The following RIF1 variants were observed in gnomAD, a reference collection of about 807,000 sequenced individuals.
RIF1 encodes replication timing regulatory factor 1, also known as telomere-associated protein RIF1.
A neutral mutation model predicts 247.1 loss-of-function variants in RIF1; 45 were observed. That is an observed-to-expected ratio of 0.18 (90% CI 0.14 to 0.23). The LOEUF (loss-of-function observed/expected upper bound fraction) is 0.23, where lower values mean the gene tolerates loss of function less well. RIF1 is among the 10% of genes least tolerant of loss of function. RIF1 has a pLI of 1.00. For missense variants in RIF1, 2,967 were observed against 2,862.5 expected (o/e 1.04, Z -0.83); for synonymous variants, 1,087 against 978.8 (o/e 1.11, Z -2.06).
the RIF1 span, chr2:151,519,135 A>G: frequency 2.0e-6 from 2 of 1,002,218 alleles, no homozygotes; most frequent in Non-Finnish European, 3.2e-6. Context: ...AATGGAAATC[A>G]AAGTGAGATA....
intron 10 of RIF1, chr2:151,499,338 T>G (rs1293462099): frequency 6.5e-7 from 1 of 1,545,830 alleles, no homozygotes; most frequent in Non-Finnish European, 8.7e-7. Flanking sequence ...TCTCTCCATC[T>G]CTGGAGTGAT....
At position 151,446,355 on chromosome 2, in the gene RIF1, T is replaced by C. The variant is rs954518675; in HGVS notation, c.2095-71T>C. 47 of 1,341,478 alleles carry C rather than the reference T, an allele frequency of 3.5e-5. No homozygotes were observed. The African/African-American group carries it at 5.8e-4, about 17-fold the overall frequency. The allele number at this position is 1,341,478 out of a possible 1,614,324, so 83.1% of individuals were successfully genotyped here. On this transcript the variant is annotated intron_variant, in intron 19 of 35. Coordinates refer to ENST00000444746, the MANE Select transcript of RIF1 (RefSeq NM_018151.5). The stretch of plus-strand genomic sequence containing the variant: ...CAGTGTTTTTAAAAAATGTTAAAGA[T>C]GTATTGATTCTATAAACTTTGATAG...
chr2:151,435,938 C>T (rs977524181), intron 11 of RIF1, among the ~76,000 whole-genome samples: 1 of 151,920 alleles, frequency 6.6e-6, no homozygotes, highest in African/African-American at 2.4e-5. Context: ...AAAAACAACA[C>T]ATCGGCCAGG....
rs1553552384 is a variant in RIF1, at chr2:151,497,713, T to TAA, written c.*514-1631_*514-1630dup. 3.8e-6 allele frequency: 6 copies of TAA among 1,575,882 alleles called. No individual in the cohort carries two copies. The highest frequency in any genetic ancestry group is 1.3e-5 in the African/African-American group (1 of 74,390). Reference sequence around the variant, plus strand: ...TTCCCTTGCCCATGTTTTCTTTGTATAACACCTGTGCGATAAGAAAGCATC... The same window carrying TAA: ...TTCCCTTGCCCATGTTTTCTTTGTATAAAACACCTGTGCGATAAGAAAGCATC... On this transcript the variant is annotated intron_variant and NMD_transcript_variant, in intron 10 of 13. Transcript: ENST00000454583.
intron 20 of RIF1, among the ~76,000 whole-genome samples, chr2:151,448,621 A>G (rs1193357009): frequency 2.0e-5 from 3 of 152,126 alleles, no homozygotes; most frequent in Non-Finnish European, 2.9e-5. Flanking sequence ...ACTACCCATG[A>G]GGTTTCTGCT....
chr2:151,528,336 A>G, the RIF1 span, among the ~76,000 whole-genome samples: 2 of 152,256 alleles, frequency 1.3e-5, no homozygotes, highest in African/African-American at 4.8e-5. Context: ...TAATTTATAC[A>G]CAATACAATG....
At chr2:151,486,333 A>C (rs2050340081), downstream of RIF1, 1 of 167,912 alleles carries the variant, frequency 6.0e-6, no homozygotes, top group Non-Finnish European at 1.3e-5. Context: ...TGGTGATGAT[A>C]AAAAAGACAG....
At chr2:151,524,718 G>A in the RIF1 span, 4 of 904,062 alleles carry the variant, frequency 4.4e-6, no homozygotes, top group Non-Finnish European at 6.5e-6. Flanking sequence ...CCAGGCTTGA[G>A]TGCAGTGGTA....
chr2:151,412,373 T>TG (rs980074529), intron 3 of RIF1, among the ~76,000 whole-genome samples: 10 of 152,134 alleles, frequency 6.6e-5, no homozygotes, highest in African/African-American at 2.2e-4. Flanking sequence ...AAAATTGAGG[T>TG]GGGGGTCTTG....
At chr2:151,443,981 G>A (rs1343492631) in intron 18 of RIF1, among the ~76,000 whole-genome samples, 1 of 152,072 alleles carries the variant, frequency 6.6e-6, no homozygotes, top group African/African-American at 2.4e-5. Flanking sequence ...TTGTATCTTG[G>A]ATTCTTTCAG....
At chr2:151,450,904 T>C (rs960578242) in intron 20 of RIF1, among the ~76,000 whole-genome samples, 2 of 152,228 alleles carry the variant, frequency 1.3e-5, no homozygotes, top group South Asian at 2.1e-4. Context: ...TTTTATGTTT[T>C]GTTTCCACTG....
the RIF1 span, among the ~76,000 whole-genome samples, chr2:151,523,383 A>C: frequency 6.6e-6 from 1 of 152,258 alleles, no homozygotes; most frequent in African/African-American, 2.4e-5. Flanking sequence ...TATCTTCCAA[A>C]AGATTGGAAT....
Position 151,416,444 on chromosome 2 carries a change from C to T in RIF1, c.281-117C>T, listed in dbSNP as rs566403919. The T allele has an allele frequency of 2.7e-4, 262 of 981,342 alleles. 1 individual carries two copies. The highest frequency in any genetic ancestry group is 3.9e-5 in the Non-Finnish European group (26 of 674,100). 60.8% of individuals were successfully genotyped at this position (981,342 alleles called of 1,614,324 possible). A position where few individuals can be genotyped will look rare whatever the true frequency, so the allele number is the denominator to read the frequency against. On this transcript the variant is annotated intron_variant, in intron 4 of 35. Coordinates refer to ENST00000444746, the MANE Select transcript of RIF1 (RefSeq NM_018151.5). ...ATCAGCATTGGTTCTCTGATCTGTTCTCTGGATATACATTTAATTTTATGA... is the reference window on the plus strand; with the variant it reads ...ATCAGCATTGGTTCTCTGATCTGTTTTCTGGATATACATTTAATTTTATGA...
chr2:151,443,334 G>C lies in RIF1; in HGVS notation c.1805+5G>C. The C allele has an allele frequency of 1.3e-6, 2 of 1,554,574 alleles. No homozygotes were observed. Among genetic ancestry groups the C allele is most frequent in the Non-Finnish European group, 1.8e-6 (2 of 1,129,982 alleles). ...ATGTGGTGTATCAGATGAAAGGTAA[G>C]TTTGTACTTTAACTTGAAACTTTGT... is the stretch of plus-strand genomic sequence containing the variant. On this transcript the variant is annotated splice_donor_5th_base_variant and intron_variant, in intron 17 of 35. Transcript: ENST00000444746.
Position 151,446,498 on chromosome 2 carries a change from G to T in RIF1, c.2167G>T (p.Ala723Ser), listed in dbSNP as rs769319293. ...RAFARCAALV[A>S]TAEENLCCEE... is the part of the protein sequence containing the mutation. ...ATTTGCTCGTTGTGCTGCTTTGGTGGCAACAGCAGAAGAGAACTTGTGCTG... is the reference window on the plus strand; with the variant it reads ...ATTTGCTCGTTGTGCTGCTTTGGTGTCAACAGCAGAAGAGAACTTGTGCTG... The change falls in exon 20 of 36, where the codon GCA (alanine) becomes TCA (serine). Residue 723 changes from alanine to serine, a missense_variant. Transcript: ENST00000444746. The T allele has an allele frequency of 1.2e-6, 2 of 1,613,388 alleles. No homozygotes were observed. The highest frequency in any genetic ancestry group is 1.7e-6 in the Non-Finnish European group (2 of 1,179,688).
chr2:151,503,754 G>A (rs1214779886), intron 12 of RIF1, among the ~76,000 whole-genome samples: 1 of 152,150 alleles, frequency 6.6e-6, no homozygotes, highest in Non-Finnish European at 1.5e-5. Flanking sequence ...TAGCTTTGGT[G>A]CCTCAAATAT....
At chr2:151,461,112 AT>A in intron 26 of RIF1, 25 bp from the exon 27 acceptor site, 1 of 1,595,782 alleles carries the variant, frequency 6.3e-7, no homozygotes, top group Non-Finnish European at 8.5e-7. Flanking sequence ...TAAAATGTAC[AT>A]TTGCTTATTT....
At position 151,475,107 on chromosome 2, in the gene RIF1, C is replaced by T. The variant is rs1411207538; in HGVS notation, c.*36C>T. 2.9e-6 allele frequency: 4 copies of T among 1,381,364 alleles called. No homozygotes were observed. The highest frequency in any genetic ancestry group is 3.1e-6 in the Non-Finnish European group (3 of 972,644). 85.6% of individuals were successfully genotyped at this position (1,381,364 alleles called of 1,614,324 possible). ...GAAAATTGAAGGTTTTTTTAAACAT[C>T]ACTGGATTTCTTGATTGAGGAAACA... On this transcript the variant is annotated 3_prime_UTR_variant, in exon 36 of 36. Coordinates refer to ENST00000444746, the MANE Select transcript of RIF1 (RefSeq NM_018151.5).
intron 13 of RIF1, chr2:151,506,967 A>C: frequency 6.2e-7 from 1 of 1,611,476 alleles, no homozygotes. Context: ...GTCTTGAACA[A>C]CTGTAATTTT....
Sources: allele counts gnomAD v4.1 joint callset (sites outside exome capture counted in the v4.1 genomes callset), GRCh38; gene constraint gnomAD v4.1.1; transcripts MANE v1.5; gene names NCBI Gene and HGNC (gene_info 2026-07-23, HGNC 2026-07-21).